The following SLCO3A1 variants were observed in gnomAD, a reference collection of about 807,000 sequenced individuals.
The protein encoded by SLCO3A1 is PGE1 transporter.
SLCO3A1 carries 27 observed loss-of-function variants against 63.1 expected under a neutral mutation model. The ratio of observed to expected loss-of-function variants is 0.43; its 90% CI spans 0.32 to 0.59. The LOEUF (loss-of-function observed/expected upper bound fraction) is 0.59, where lower values mean the gene tolerates loss of function less well. Among genes scored for constraint, SLCO3A1 ranks in the 20% least tolerant of loss-of-function variants. The pLI is 0.09. For missense variants in SLCO3A1, 773 were observed against 945.8 expected, an observed-to-expected ratio of 0.82 and a Z score of 2.40; for synonymous variants, 473 against 409.9, an observed-to-expected ratio of 1.15 and a Z score of -1.86.
intron 2 of SLCO3A1, among the ~76,000 whole-genome samples, chr15:92,003,888 C>G (rs1028026739): frequency 6.6e-6 from 1 of 152,130 alleles, no homozygotes; most frequent in Non-Finnish European, 1.5e-5. Context: ...GCAGTGCTCC[C>G]CATCAGCACT....
intron 2 of SLCO3A1, among the ~76,000 whole-genome samples, chr15:91,918,452 C>A (rs1381769452): frequency 6.6e-6 from 1 of 152,212 alleles, no homozygotes; most frequent in East Asian, 1.9e-4. Context: ...GTAGCCCATG[C>A]CATGGAGATG....
At chr15:92,146,471 C>T (rs1312418326) in intron 7 of SLCO3A1, among the ~76,000 whole-genome samples, 1 of 152,246 alleles carries the variant, frequency 6.6e-6, no homozygotes, top group African/African-American at 2.4e-5. Flanking sequence ...CTCGCCCAGC[C>T]TTGCAGACGC....
At chr15:92,051,469 G>A (rs745938662) in intron 2 of SLCO3A1, among the ~76,000 whole-genome samples, 3 of 152,170 alleles carry the variant, frequency 2.0e-5, no homozygotes, top group Non-Finnish European at 4.4e-5. Flanking sequence ...AGACCTCATG[G>A]ATTTGCTCAA....
rs1899973777 is a variant in SLCO3A1 at position 91,950,849 on chromosome 15, C to G, written c.646+34391C>G. ...GATGACAGAGACTTCTTGGGAACCACAGCCAGGGAGCCACCCTTTACTCCA... is the reference window on the plus strand; with the variant it reads ...GATGACAGAGACTTCTTGGGAACCAGAGCCAGGGAGCCACCCTTTACTCCA... On this transcript the variant is annotated intron_variant, in intron 2 of 9. Coordinates refer to ENST00000318445, the MANE Select transcript of SLCO3A1 (RefSeq NM_013272.4). This position sits in a 1 kb window ranked among gnomAD's most constrained non-coding sequence, Gnocchi z 4.4. Among the ~76,000 whole-genome samples, 1 of 152,030 alleles carries G rather than the reference C, an allele frequency of 6.6e-6. No homozygotes were observed. Among genetic ancestry groups the G allele is most frequent in the Non-Finnish European group, 1.5e-5 (1 of 68,026 alleles).
chr15:92,031,466 C>A (rs553570165), intron 2 of SLCO3A1, among the ~76,000 whole-genome samples: 2 of 152,306 alleles, frequency 1.3e-5, no homozygotes, highest in African/African-American at 4.8e-5. Flanking sequence ...TCAATTGCTC[C>A]ACTGATAACT....
In SLCO3A1 at chr15:91,883,835, C is replaced by A. The variant is rs1407552182; in HGVS notation, c.180+29747C>A. 6.6e-6 allele frequency among the ~76,000 whole-genome samples: 1 copy of A among 152,136 alleles called. No individual in the cohort carries two copies. ...TACACTCACTTCTGTGGGTCCACAC[C>A]CCGTGCCAGGCACCGTGTTACATGC... On this transcript the variant is annotated intron_variant, in intron 1 of 9. Transcript: ENST00000318445. This position sits in a 1 kb window ranked among gnomAD's most constrained non-coding sequence, Gnocchi z 4.8.
chr15:92,067,207 C>T (rs1192942972), intron 2 of SLCO3A1, among the ~76,000 whole-genome samples: 1 of 152,170 alleles, frequency 6.6e-6, no homozygotes, highest in Non-Finnish European at 1.5e-5. Flanking sequence ...AGCCCAGAGC[C>T]CTGTACACCA....
At chr15:91,956,327 G>A (rs1261346230) in intron 2 of SLCO3A1, among the ~76,000 whole-genome samples, 4 of 152,142 alleles carry the variant, frequency 2.6e-5, no homozygotes, top group African/African-American at 9.7e-5. Context: ...GTGAGTGTTG[G>A]GGATAAAGCG....
chr15:91,974,271 A>G lies in SLCO3A1; in HGVS notation c.646+57813A>G, dbSNP rs200193174. Among the ~76,000 whole-genome samples, 61 of 98,048 alleles carry G rather than the reference A, an allele frequency of 6.2e-4. 2 individuals carry two copies. Among genetic ancestry groups the G allele is most frequent in the Admixed American group, 8.0e-4 (8 of 9,988 alleles). The allele number at this position is 98,048 out of a possible 152,430, so 64.3% of individuals were successfully genotyped here. A position where few individuals can be genotyped will look rare whatever the true frequency, so the allele number is the denominator to read the frequency against. On this transcript the variant is annotated intron_variant, in intron 2 of 9. Transcript: ENST00000318445. ...GGACACCATTTTCATTATTGTTATT[A>G]TTATTATTATTATTATTATTATTAT...
At chr15:91,902,364 G>A (rs1439877450) in intron 1 of SLCO3A1, among the ~76,000 whole-genome samples, 1 of 151,848 alleles carries the variant, frequency 6.6e-6, no homozygotes, top group African/African-American at 2.4e-5. Flanking sequence ...TGGCTTTCTG[G>A]TCAACCAGAG....
intron 2 of SLCO3A1, among the ~76,000 whole-genome samples, chr15:92,076,385 T>TCTCG (rs936991230): frequency 2.2e-4 from 34 of 152,320 alleles, no homozygotes; most frequent in African/African-American, 8.2e-4. Flanking sequence ...CAGCCTATGT[T>TCTCG]CTGCTGCATG....
chr15:91,872,227 C>A lies in SLCO3A1; in HGVS notation c.180+18139C>A, dbSNP rs184677319. On this transcript the variant is annotated intron_variant, in intron 1 of 9. Coordinates refer to ENST00000318445, the MANE Select transcript of SLCO3A1 (RefSeq NM_013272.4). The surrounding 1 kb of genome is among the most constrained non-coding windows in gnomAD (Gnocchi z 4.1). ...TTTCCGTATAAGGAAATAGGGCTCACTTCTAGAAGTTAAAGAATGTGCTGG... is the reference window on the plus strand; with the variant it reads ...TTTCCGTATAAGGAAATAGGGCTCAATTCTAGAAGTTAAAGAATGTGCTGG... Among the ~76,000 whole-genome samples the A allele has an allele frequency of 1.4e-4, 22 of 152,302 alleles. No homozygotes were observed. In the East Asian group the frequency reaches 3.7e-3, roughly 25 times the overall value.
intron 1 of SLCO3A1, among the ~76,000 whole-genome samples, chr15:91,868,967 A>G (rs887160707): frequency 6.6e-6 from 1 of 152,204 alleles, no homozygotes; most frequent in Non-Finnish European, 1.5e-5. Flanking sequence ...CATATTCATC[A>G]TGAAGAAAAG....
At chr15:92,003,587 G>A (rs542495672) in intron 2 of SLCO3A1, among the ~76,000 whole-genome samples, 55 of 152,242 alleles carry the variant, frequency 3.6e-4, no homozygotes, top group Admixed American at 5.9e-4. Flanking sequence ...TCTCAGCTGC[G>A]TTGATGAGAA....
rs1264147320 is a variant in SLCO3A1, at chr15:91,854,281, C to T, written c.180+193C>T. 4 of 1,091,224 alleles carry T rather than the reference C, an allele frequency of 3.7e-6. No homozygotes were observed. The highest frequency in any genetic ancestry group is 4.5e-5 in the South Asian group (1 of 22,266). 67.6% of individuals were successfully genotyped at this position (1,091,224 alleles called of 1,614,324 possible). ...GCCGGGGCTGCCAGCGAGCGGGTAG[C>T]GGGCGGGACCGTTGATGCCGGTAGC... is the stretch of plus-strand genomic sequence containing the variant. On this transcript the variant is annotated intron_variant, in intron 1 of 9. Transcript: ENST00000318445. The surrounding 1 kb of genome is among the most constrained non-coding windows in gnomAD (Gnocchi z 6.4).
chr15:92,027,026 G>A (rs1262984689), intron 2 of SLCO3A1, among the ~76,000 whole-genome samples: 1 of 151,890 alleles, frequency 6.6e-6, no homozygotes, highest in Non-Finnish European at 1.5e-5. Context: ...GGAGGTGGAG[G>A]TTGCAGTGAG....
At chr15:92,169,546 T>C (rs2048510489), downstream of SLCO3A1, among the ~76,000 whole-genome samples, 1 of 152,174 alleles carries the variant, frequency 6.6e-6, no homozygotes, top group Non-Finnish European at 1.5e-5. Flanking sequence ...TGAAGTATTT[T>C]ACCTGAAACA....
chr15:92,045,095 G>C (rs902079496), intron 2 of SLCO3A1, among the ~76,000 whole-genome samples: 1 of 151,934 alleles, frequency 6.6e-6, no homozygotes, highest in Non-Finnish European at 1.5e-5. Context: ...CCTGGCTAAT[G>C]TGGTGAAACA....
chr15:92,001,699 T>C (rs982440681), intron 2 of SLCO3A1, among the ~76,000 whole-genome samples: 3 of 152,164 alleles, frequency 2.0e-5, no homozygotes, highest in Non-Finnish European at 2.9e-5. Context: ...ATTCTTAGAA[T>C]GTTAAAGTGG....
Sources: gnomAD v4.1 joint callset for allele counts (sites outside exome capture counted in the v4.1 genomes callset) on GRCh38, gnomAD v4.1.1 for gene constraint, Gnocchi (gnomAD v3.1) non-coding constraint, MANE v1.5 for transcripts, NCBI Gene and HGNC (gene_info 2026-07-23, HGNC 2026-07-21) for gene names.